SNX4: variants seen among roughly 807,000 people sequenced by gnomAD.
SNX4 encodes sorting nexin-4.
Under a neutral mutation model 70.8 loss-of-function variants are expected in SNX4, and 49 were observed. That is an observed-to-expected ratio of 0.69 (90% CI 0.55 to 0.88). The LOEUF (loss-of-function observed/expected upper bound fraction) is 0.88. SNX4 is among the 40% of genes least tolerant of loss of function. The probability of loss-of-function intolerance (pLI) is 0.00; values close to 1 mark genes in which losing one functional copy is unlikely to be tolerated. For missense variants in SNX4, 528 were observed against 544.8 expected, an observed-to-expected ratio of 0.97 and a Z score of 0.31; for synonymous variants, 206 against 183.8, an observed-to-expected ratio of 1.12 and a Z score of -0.98.
At chr3:125,480,123 T>C (rs898965355) in intron 7 of SNX4, 124 bp downstream of exon 7, 8 of 508,642 alleles carry the variant, frequency 1.6e-5, no homozygotes, top group African/African-American at 2.0e-5. Context: ...ATGATGAACA[T>C]ATAAATTCAA....
At chr3:125,458,039 G>C (rs1336446616) in intron 10 of SNX4, among the ~76,000 whole-genome samples, 1 of 151,734 alleles carries the variant, frequency 6.6e-6, no homozygotes, top group Admixed American at 6.6e-5. Context: ...CATACATAAT[G>C]AACTACATAC....
At chr3:125,518,863 T>A (rs964993722) in intron 1 of SNX4, among the ~76,000 whole-genome samples, 6 of 149,178 alleles carry the variant, frequency 4.0e-5, no homozygotes, top group African/African-American at 9.9e-5. Context: ...AAAAAAAAAA[T>A]TTAGCTGGGA....
intron 2 of SNX4, among the ~76,000 whole-genome samples, chr3:125,500,637 T>A (rs1934904894): frequency 6.6e-6 from 1 of 151,384 alleles, no homozygotes; most frequent in African/African-American, 2.4e-5. Context: ...CCGTTTCTAC[T>A]AAAAAATACA....
intron 9 of SNX4, among the ~76,000 whole-genome samples, chr3:125,462,441 T>A (rs925559333): frequency 6.6e-6 from 1 of 151,652 alleles, no homozygotes; most frequent in African/African-American, 2.4e-5. Context: ...AATACAAAAA[T>A]TAGCTGGACA....
intron 9 of SNX4, among the ~76,000 whole-genome samples, chr3:125,463,567 A>G (rs768821290): frequency 8.5e-5 from 13 of 152,222 alleles, no homozygotes; most frequent in Non-Finnish European, 1.8e-4. Context: ...GGGTTAAACA[A>G]AATAGTTGAA....
At chr3:125,458,170 A>ATT (rs397875260) in intron 10 of SNX4, among the ~76,000 whole-genome samples, 70 of 122,686 alleles carry the variant, frequency 5.7e-4, no homozygotes, top group African/African-American at 1.6e-3. Context: ...TCTATTAGGT[A>ATT]TTTTTTTTTT....
chr3:125,494,015 C>T (rs13322075), intron 5 of SNX4, among the ~76,000 whole-genome samples: 18,474 of 143,842 alleles, frequency 0.13, 1,420 homozygotes, highest in African/African-American at 0.22. Flanking sequence ...CCAGCCGGGG[C>T]GACAGAGCAA....
chr3:125,494,010 C>G (rs923364773), intron 5 of SNX4, among the ~76,000 whole-genome samples: 1 of 147,824 alleles, frequency 6.8e-6, no homozygotes, highest in Non-Finnish European at 1.5e-5. Flanking sequence ...GCACTCCAGC[C>G]GGGGCGACAG....
In SNX4 at chr3:125,479,743, G is replaced by T. The variant is rs193260629; in HGVS notation, c.726+504C>A. 3.3e-5 allele frequency among the ~76,000 whole-genome samples: 5 copies of T among 152,212 alleles called. No individual in the cohort carries two copies. The East Asian group carries it at 9.7e-4, about 29-fold the overall frequency. On this transcript the variant is annotated intron_variant, in intron 7 of 13. Transcript: ENST00000251775. ...CATTTTCCAGGTACATTAATTTACTGAGAAGTATTTCCCTCTTTGCCTATT... is the reference window on the plus strand; with the variant it reads ...CATTTTCCAGGTACATTAATTTACTTAGAAGTATTTCCCTCTTTGCCTATT...
chr3:125,452,884 T>A (rs1317051871), intron 12 of SNX4, among the ~76,000 whole-genome samples: 1 of 152,142 alleles, frequency 6.6e-6, no homozygotes, highest in African/African-American at 2.4e-5. Context: ...CCCAAAGTGC[T>A]GGGATTACAG....
At chr3:125,519,304 T>C (rs1935345762) in intron 1 of SNX4, among the ~76,000 whole-genome samples, 1 of 152,126 alleles carries the variant, frequency 6.6e-6, no homozygotes, top group South Asian at 2.1e-4. Context: ...GATACATTTT[T>C]CCCCTTTTCC....
chr3:125,457,524 G>C (rs1329814847), intron 10 of SNX4, among the ~76,000 whole-genome samples, 159 bp from the exon 11 acceptor site: 1 of 151,122 alleles, frequency 6.6e-6, no homozygotes, highest in Non-Finnish European at 1.5e-5. Context: ...ATTAAAAATG[G>C]AATCTAATGG....
intron 11 of SNX4, among the ~76,000 whole-genome samples, chr3:125,455,387 T>A (rs932025317): frequency 6.6e-6 from 1 of 152,218 alleles, no homozygotes; most frequent in Non-Finnish European, 1.5e-5. Context: ...TAAAGAAGCA[T>A]ATTTAAAATC....
rs371988472 is a variant in SNX4 at position 125,485,399 on chromosome 3, G to A, written c.653+4009C>T. On this transcript the variant is annotated intron_variant, in intron 6 of 13. Coordinates refer to ENST00000251775, the MANE Select transcript of SNX4 (RefSeq NM_003794.4). ...TGCAGCCTCCACCTTCCTGGTTCAA[G>A]TTATTCTCGTGCCTCAGCCCCCCAA... is the stretch of plus-strand genomic sequence containing the variant. Among the ~76,000 whole-genome samples the A allele has an allele frequency of 7.9e-5, 12 of 152,214 alleles. 1 individual carries two copies. The South Asian group carries it at 1.2e-3, about 16-fold the overall frequency.
chr3:125,495,068 G>A (rs1296879615), intron 5 of SNX4, among the ~76,000 whole-genome samples: 1 of 151,524 alleles, frequency 6.6e-6, no homozygotes, highest in African/African-American at 2.4e-5. Context: ...TAAAATTAAT[G>A]GGTCTGCTAC....
At chr3:125,458,842 A>C (rs1005008958) in intron 10 of SNX4, among the ~76,000 whole-genome samples, 1 of 93,510 alleles carries the variant, frequency 1.1e-5, no homozygotes, top group Non-Finnish European at 2.1e-5. Flanking sequence ...AAAAAAAAAA[A>C]AAAGAAAAGA....
At position 125,497,341 on chromosome 3, in the gene SNX4, C is replaced by T; in HGVS notation, c.597G>A (p.Lys199=). 6.2e-7 allele frequency: 1 copy of T among 1,603,574 alleles called. No individual in the cohort carries two copies. Among genetic ancestry groups the T allele is most frequent in the Non-Finnish European group, 8.5e-7 (1 of 1,171,716 alleles). ...GCAAATTTCATATAAATATTCTTAC[C>T]TTCAGCTGAAACCCAGTTTCATTCA... ...ETVNETGFQL[K]ADSRLKALNA... is the part of the protein sequence containing the mutation. Residue 199 remains lysine (K), a splice_region_variant and synonymous_variant, in exon 5 of 14, where the codon AAG becomes AAA. Coordinates refer to ENST00000251775, the MANE Select transcript of SNX4 (RefSeq NM_003794.4).
chr3:125,518,097 A>C (rs1388779521), intron 1 of SNX4, among the ~76,000 whole-genome samples: 1 of 152,242 alleles, frequency 6.6e-6, no homozygotes, highest in Admixed American at 6.5e-5. Context: ...AATTAATAAA[A>C]GACATATATA....
intron 12 of SNX4, among the ~76,000 whole-genome samples, chr3:125,452,693 C>G (rs1410707607): frequency 2.0e-5 from 3 of 152,216 alleles, no homozygotes; most frequent in Admixed American, 2.0e-4. Context: ...TCTCCGCTCA[C>G]TGCAAGCTCC....
Sources: allele counts gnomAD v4.1 joint callset (sites outside exome capture counted in the v4.1 genomes callset), GRCh38; gene constraint gnomAD v4.1.1; transcripts MANE v1.5; gene names NCBI Gene and HGNC (gene_info 2026-07-23, HGNC 2026-07-21).